SYTL3: variants seen among roughly 807,000 people sequenced by gnomAD.
The protein encoded by SYTL3 is synaptotagmin-like protein 3.
Under a neutral mutation model 82.1 loss-of-function variants are expected in SYTL3, and 88 were observed. The observed-to-expected ratio is 1.07, with a 90% confidence interval of 0.90 to 1.28. The LOEUF (loss-of-function observed/expected upper bound fraction) is 1.28. Among genes scored for constraint, SYTL3 ranks in the 50% most tolerant of loss-of-function variants. The pLI, the probability that SYTL3 is intolerant of heterozygous loss-of-function variation, is 0.00. For synonymous variants in SYTL3, 311 were observed against 289.4 expected, an observed-to-expected ratio of 1.07 and a Z score of -0.76; for missense variants, 831 against 757.6, an observed-to-expected ratio of 1.10 and a Z score of -1.14.
At chr6:158,659,666 T>C (rs1444957822) in intron 2 of SYTL3, among the ~76,000 whole-genome samples, 1 of 152,160 alleles carries the variant, frequency 6.6e-6, no homozygotes, top group African/African-American at 2.4e-5. Flanking sequence ...ATTGTCTTAG[T>C]CGTTTGCATT....
chr6:158,706,281 G>A (rs1782082913), intron 6 of SYTL3, among the ~76,000 whole-genome samples: 1 of 152,136 alleles, frequency 6.6e-6, no homozygotes, highest in Non-Finnish European at 1.5e-5. Flanking sequence ...CCCTGATCTA[G>A]GGGCTGCCTT....
intron 8 of SYTL3, 90 bp from the exon 9 acceptor site, chr6:158,713,710 A>G (rs1783024783): frequency 1.1e-6 from 1 of 897,470 alleles, no homozygotes; most frequent in South Asian, 1.4e-5. Flanking sequence ...CCCACATGCC[A>G]GTGTTTTGGG....
At chr6:158,682,870 A>G in intron 5 of SYTL3, 55 bp from the exon 6 acceptor site, 5 of 1,367,276 alleles carry the variant, frequency 3.7e-6, no homozygotes, top group Non-Finnish European at 5.2e-6. Context: ...AGGGGTAAAT[A>G]TAGCACTATT....
At chr6:158,657,908 T>G (rs925654536) in intron 2 of SYTL3, among the ~76,000 whole-genome samples, 1 of 152,128 alleles carries the variant, frequency 6.6e-6, no homozygotes, top group Admixed American at 6.5e-5. Flanking sequence ...ACTATTATTT[T>G]TTGAGACGGA....
intron 6 of SYTL3, among the ~76,000 whole-genome samples, chr6:158,703,812 A>ATATTAT (rs531980948): frequency 0.084 from 10,247 of 122,562 alleles, 517 homozygotes; most frequent in African/African-American, 0.13. Flanking sequence ...AGTGGGTTTT[A>ATATTAT]TATTATTATC....
intron 17 of SYTL3, among the ~76,000 whole-genome samples, chr6:158,763,946 TTC>T (rs1790378085): frequency 6.6e-6 from 1 of 152,152 alleles, no homozygotes; most frequent in East Asian, 1.9e-4. Context: ...TGCTGTGAGG[TTC>T]TGTGCCTGGC....
At chr6:158,738,676 G>A (rs1050201719) in intron 11 of SYTL3, among the ~76,000 whole-genome samples, 1 of 152,088 alleles carries the variant, frequency 6.6e-6, no homozygotes, top group African/African-American at 2.4e-5. Context: ...GTTTTGTTTT[G>A]AGATAGAGTC....
chr6:158,648,694 A>AT (rs1189063708), upstream of SYTL3, among the ~76,000 whole-genome samples: 1 of 151,778 alleles, frequency 6.6e-6, no homozygotes, highest in Non-Finnish European at 1.5e-5. Context: ...TGGATTTTCC[A>AT]TTTTTTCCTT....
upstream of SYTL3, among the ~76,000 whole-genome samples, chr6:158,647,202 C>A (rs1474042684): frequency 6.6e-6 from 1 of 152,204 alleles, no homozygotes; most frequent in African/African-American, 2.4e-5. Flanking sequence ...GCACATAAAT[C>A]AACAGAAAAC....
At position 158,703,627 on chromosome 6, in the gene SYTL3, C is replaced by T. The variant is rs192787400; in HGVS notation, c.395-3603C>T. 1.1e-4 allele frequency among the ~76,000 whole-genome samples: 16 copies of T among 152,130 alleles called. No homozygotes were observed. The East Asian group carries it at 1.9e-3, about 18-fold the overall frequency. ...ACTTCCTTGAGTTCTCAAATCTGCC[C>T]GGATCTTGCTCCAATGGGATTGGGG... On this transcript the variant is annotated intron_variant, in intron 6 of 17. Coordinates refer to ENST00000611299, the MANE Select transcript of SYTL3 (RefSeq NM_001242394.2).
intron 17 of SYTL3, among the ~76,000 whole-genome samples, chr6:158,763,906 C>T (rs937191761): frequency 2.0e-5 from 3 of 152,198 alleles, no homozygotes; most frequent in Non-Finnish European, 4.4e-5. Context: ...CTCGGCAGGG[C>T]ACCGCCGGCA....
chr6:158,753,077 CTTTTTTTTTTTTTT>C (rs34396644), intron 13 of SYTL3, among the ~76,000 whole-genome samples: 1 of 99,112 alleles, frequency 1.0e-5, no homozygotes. Context: ...TTCTTCTTTT[CTTTTTTTTTTTTTT>C]TTTTTTGAGA....
intron 6 of SYTL3, among the ~76,000 whole-genome samples, chr6:158,696,393 T>C (rs1906036): frequency 0.62 from 92,488 of 150,006 alleles, 29,606 homozygotes; most frequent in African/African-American, 0.77. Context: ...TTAGTAGAGA[T>C]GGGGTTTCAC....
At chr6:158,762,990 TGA>T (rs943441490) in intron 16 of SYTL3, among the ~76,000 whole-genome samples, 5 of 152,184 alleles carry the variant, frequency 3.3e-5, no homozygotes, top group African/African-American at 1.2e-4. Flanking sequence ...TTGTCTGAGT[TGA>T]TTTTCCTGAG....
At chr6:158,675,612 G>A (rs1037381089) in intron 5 of SYTL3, among the ~76,000 whole-genome samples, 1 of 152,078 alleles carries the variant, frequency 6.6e-6, no homozygotes, top group African/African-American at 2.4e-5. Flanking sequence ...TTGGGAGTTC[G>A]AGACCAGCCT....
chr6:158,762,511 A>G (rs964612355), intron 16 of SYTL3, among the ~76,000 whole-genome samples: 1 of 152,150 alleles, frequency 6.6e-6, no homozygotes, highest in African/African-American at 2.4e-5. Flanking sequence ...GACTGTCCAC[A>G]TTTCATTCTC....
intron 5 of SYTL3, among the ~76,000 whole-genome samples, chr6:158,672,564 T>C (rs1193317945): frequency 6.6e-5 from 10 of 151,714 alleles, no homozygotes; most frequent in Non-Finnish European, 1.5e-5. Flanking sequence ...TTCTTTTTTT[T>C]TTTTTTGGCA....
chr6:158,737,737 G>A (rs1455923599), intron 11 of SYTL3, among the ~76,000 whole-genome samples: 1 of 152,250 alleles, frequency 6.6e-6, no homozygotes, highest in Non-Finnish European at 1.5e-5. Context: ...CTGCCAGGGC[G>A]ATGGTGGTGG....
At chr6:158,701,261 G>A (rs1365348381) in intron 6 of SYTL3, among the ~76,000 whole-genome samples, 1 of 7,440 alleles carries the variant, frequency 1.3e-4, no homozygotes, top group Non-Finnish European at 2.8e-4. Flanking sequence ...AGTGTGAGCT[G>A]GGGTGTAGAT....
Sources: gnomAD v4.1 joint callset for allele counts (sites outside exome capture counted in the v4.1 genomes callset) on GRCh38, gnomAD v4.1.1 for gene constraint, MANE v1.5 for transcripts, NCBI Gene and HGNC (gene_info 2026-07-23, HGNC 2026-07-21) for gene names.